CSMD3: variants seen among roughly 807,000 people sequenced by gnomAD.
The protein encoded by CSMD3 is CUB and Sushi multiple domains 3, also known as CUB and sushi domain-containing protein 3.
In CSMD3, 177 loss-of-function variants were observed where a neutral mutation model predicts 435.2. The ratio of observed to expected loss-of-function variants is 0.41; its 90% CI spans 0.36 to 0.46. CSMD3 has a LOEUF of 0.46. Among genes scored for constraint, CSMD3 ranks in the 20% least tolerant of loss-of-function variants. CSMD3 has a pLI of 0.34. For synonymous variants in CSMD3, 1,656 were observed against 1,520.5 expected (o/e 1.09, Z -2.07); for missense variants, 4,265 against 4,504.6 (o/e 0.95, Z 1.52).
intron 5 of CSMD3, among the ~76,000 whole-genome samples, chr8:113,067,218 A>G (rs1166089467): frequency 2.0e-5 from 3 of 152,100 alleles, no homozygotes; most frequent in African/African-American, 7.2e-5. Flanking sequence ...TTCTTTGTAA[A>G]TTGTCCAGTC....
chr8:112,883,355 A>G (rs1260516155), intron 10 of CSMD3, among the ~76,000 whole-genome samples: 1 of 151,994 alleles, frequency 6.6e-6, no homozygotes, highest in Non-Finnish European at 1.5e-5. Context: ...AAATTAAAAT[A>G]AGTAGGTTAT....
At chr8:112,324,020 A>T (rs73700621) in intron 45 of CSMD3, among the ~76,000 whole-genome samples, 2,690 of 152,236 alleles carry the variant, frequency 0.018, 79 homozygotes, top group African/African-American at 0.061. Flanking sequence ...ATTTATAGAT[A>T]AATAAACCTC....
At chr8:112,937,767 T>C (rs2083330682) in intron 9 of CSMD3, among the ~76,000 whole-genome samples, 1 of 152,184 alleles carries the variant, frequency 6.6e-6, no homozygotes, top group Non-Finnish European at 1.5e-5. Flanking sequence ...ATCTTACTGT[T>C]ACTGTTTCTG....
chr8:112,910,660 C>T (rs532643053), intron 10 of CSMD3, among the ~76,000 whole-genome samples: 9 of 151,726 alleles, frequency 5.9e-5, no homozygotes, highest in African/African-American at 2.2e-4. Flanking sequence ...TCTTTGTCCT[C>T]ATTACTTCAG....
intron 32 of CSMD3, among the ~76,000 whole-genome samples, chr8:112,436,412 C>A (rs1327243357): frequency 6.6e-6 from 1 of 151,810 alleles, no homozygotes; most frequent in Non-Finnish European, 1.5e-5. Context: ...AGGTCCCCTT[C>A]TTTTATCCAT....
intron 59 of CSMD3, among the ~76,000 whole-genome samples, chr8:112,272,307 T>C (rs904881321): frequency 2.6e-5 from 4 of 152,216 alleles, no homozygotes; most frequent in African/African-American, 9.6e-5. Flanking sequence ...TCAAATTTTT[T>C]GCATACCTCA....
chr8:112,317,384 A>G (rs1822574097), intron 47 of CSMD3, among the ~76,000 whole-genome samples: 1 of 152,104 alleles, frequency 6.6e-6, no homozygotes, highest in South Asian at 2.1e-4. Context: ...CTCACAATAT[A>G]GTTTTTATTG....
intron 4 of CSMD3, among the ~76,000 whole-genome samples, chr8:113,171,705 T>A (rs2092271055): frequency 6.6e-6 from 1 of 152,204 alleles, no homozygotes; most frequent in Non-Finnish European, 1.5e-5. Flanking sequence ...AGAGAATATT[T>A]CAGACCTTGC....
At chr8:112,866,805 A>C (rs192527596) in intron 10 of CSMD3, among the ~76,000 whole-genome samples, 191 of 152,284 alleles carry the variant, frequency 1.3e-3, no homozygotes, top group African/African-American at 4.5e-3. Flanking sequence ...GATAGACAAA[A>C]CAGGCCATAT....
chr8:113,380,025 C>T (rs1195669810), intron 1 of CSMD3, among the ~76,000 whole-genome samples: 1 of 152,132 alleles, frequency 6.6e-6, no homozygotes. Context: ...TCACTTCCCA[C>T]CTCACTGTTG....
In CSMD3 at chr8:112,637,016, G is replaced by A. The variant is rs2131582371; in HGVS notation, c.3527-11C>T. Reference sequence around the variant, plus strand: ...GTTCAAGGTTATATTCTGTAAATTAGAGAGAAAAATTTCCCCGCGGGGGAG... The same window carrying A: ...GTTCAAGGTTATATTCTGTAAATTAAAGAGAAAAATTTCCCCGCGGGGGAG... On this transcript the variant is annotated splice_polypyrimidine_tract_variant and intron_variant, in intron 21 of 70. Transcript: ENST00000297405. 1.2e-6 allele frequency: 2 copies of A among 1,611,808 alleles called. No individual in the cohort carries two copies. Among genetic ancestry groups the A allele is most frequent in the Non-Finnish European group, 8.5e-7 (1 of 1,178,154 alleles).
In CSMD3 at chr8:112,636,830, C is replaced by T. The variant is rs766189255; in HGVS notation, c.3702G>A (p.Leu1234=). 1.9e-6 allele frequency: 3 copies of T among 1,613,286 alleles called. No individual in the cohort carries two copies. The East Asian group carries it at 6.7e-5, about 36-fold the overall frequency. Residue 1234 remains leucine, a synonymous_variant, in exon 22 of 71, where the codon CTG becomes CTA. Coordinates refer to ENST00000297405, the MANE Select transcript of CSMD3 (RefSeq NM_198123.2). Reference sequence around the variant, plus strand: ...CTGACCACGTACCCACACACCTTGGCAGAGGTGCACTCCACACTCGTCGGC... The same window carrying T: ...CTGACCACGTACCCACACACCTTGGTAGAGGTGCACTCCACACTCGTCGGC... ...GGGRRVWSAP[L]PRCVAECGAS...
At chr8:112,818,491 A>G (rs984716319) in intron 12 of CSMD3, among the ~76,000 whole-genome samples, 2 of 152,228 alleles carry the variant, frequency 1.3e-5, no homozygotes, top group African/African-American at 4.8e-5. Context: ...AAAGGAATTC[A>G]CAGACAAGTA....
chr8:113,061,034 C>G (rs559987456), intron 5 of CSMD3, among the ~76,000 whole-genome samples: 3 of 152,264 alleles, frequency 2.0e-5, no homozygotes, highest in African/African-American at 7.2e-5. Context: ...AGTCAGATTA[C>G]TAATCTCACA....
chr8:113,403,599 T>C (rs2094519854), intron 1 of CSMD3, among the ~76,000 whole-genome samples: 1 of 151,446 alleles, frequency 6.6e-6, no homozygotes, highest in African/African-American at 2.4e-5. Context: ...CTTTCTGTGA[T>C]TATGAAATTC....
At chr8:112,815,649 C>T (rs988130449) in intron 12 of CSMD3, among the ~76,000 whole-genome samples, 1 of 152,046 alleles carries the variant, frequency 6.6e-6, no homozygotes, top group Admixed American at 6.6e-5. Flanking sequence ...GGAAAAACAA[C>T]TAAAAATTAC....
At chr8:113,063,509 T>G (rs1230087498) in intron 5 of CSMD3, among the ~76,000 whole-genome samples, 1 of 152,006 alleles carries the variant, frequency 6.6e-6, no homozygotes, top group East Asian at 1.9e-4. Context: ...ACAAGATTCA[T>G]GTCAAGCATG....
intron 6 of CSMD3, among the ~76,000 whole-genome samples, chr8:112,986,818 T>C (rs369422243): frequency 1.3e-5 from 2 of 152,146 alleles, no homozygotes; most frequent in Admixed American, 6.6e-5. Flanking sequence ...CAATATCGAG[T>C]AATACTTTTT....
intron 22 of CSMD3, among the ~76,000 whole-genome samples, chr8:112,588,456 C>A (rs1179092205): frequency 6.8e-6 from 1 of 146,892 alleles, no homozygotes; most frequent in African/African-American, 2.4e-5. Context: ...CCCTAAATTC[C>A]TTTTAAAGAA....
Sources: gnomAD v4.1 joint callset for allele counts (sites outside exome capture counted in the v4.1 genomes callset) on GRCh38, gnomAD v4.1.1 for gene constraint, MANE v1.5 for transcripts, NCBI Gene and HGNC (gene_info 2026-07-23, HGNC 2026-07-21) for gene names.